The following PTPRU variants were observed in gnomAD, a reference collection of about 807,000 sequenced individuals.
PTPRU encodes receptor-type tyrosine-protein phosphatase U.
In PTPRU, 69 loss-of-function variants were observed where a neutral mutation model predicts 166.3. The ratio of observed to expected loss-of-function variants is 0.41; its 90% CI spans 0.34 to 0.51. The LOEUF (loss-of-function observed/expected upper bound fraction) is 0.51. Ranked by LOEUF, PTPRU falls within the 20% of genes least tolerant of loss-of-function variation. PTPRU has a pLI of 0.09. For missense variants in PTPRU, 1,657 were observed against 2,013.7 expected (o/e 0.82, Z 3.39); for synonymous variants, 793 against 814.0 (o/e 0.97, Z 0.44).
chr1:29,259,830 C>T (rs1684959762), intron 5 of PTPRU, 40 bp from the exon 6 acceptor site: 3 of 1,501,534 alleles, frequency 2.0e-6, no homozygotes, highest in Non-Finnish European at 2.7e-6. Context: ...GGACCCCTCG[C>T]TCCGAGGCGC....
intron 3 of PTPRU, 118 bp from the exon 4 acceptor site, chr1:29,259,143 G>C: frequency 8.7e-7 from 1 of 1,145,966 alleles, no homozygotes. Context: ...GTCAGTGTGA[G>C]CTGGGCTGAC....
At chr1:29,323,196 C>T (rs1688239987) in intron 26 of PTPRU, 175 bp from the exon 27 acceptor site, 2 of 824,300 alleles carry the variant, frequency 2.4e-6, no homozygotes, top group Non-Finnish European at 3.7e-6. Flanking sequence ...GCCTTGCAGC[C>T]TGTGGGCAAC....
chr1:29,310,679 A>G, intron 18 of PTPRU, 65 bp from the exon 19 acceptor site: 3 of 1,512,978 alleles, frequency 2.0e-6, no homozygotes, highest in Non-Finnish European at 2.8e-6. Flanking sequence ...GGGAGGGTAG[A>G]GGAGGTGTGG....
chr1:29,247,575 AT>A (rs1371770942), intron 1 of PTPRU, among the ~76,000 whole-genome samples: 1 of 152,180 alleles, frequency 6.6e-6, no homozygotes, highest in Non-Finnish European at 1.5e-5. Flanking sequence ...CTGTCTTCGT[AT>A]GTCGCAGGGT....
rs1414222845 is a variant in PTPRU, at chr1:29,255,263, C to G, written c.74-12C>G. ...TGCCTTAGCCTGGGCTAACCAGGCC[C>G]TGCTCTCACAGCTGGCTGCACCTTC... On this transcript the variant is annotated splice_polypyrimidine_tract_variant and intron_variant, in intron 1 of 29. Transcript: ENST00000373779. 1 of 1,612,592 alleles carries G rather than the reference C, an allele frequency of 6.2e-7. No individual in the cohort carries two copies. The highest frequency in any genetic ancestry group is 2.2e-5 in the East Asian group (1 of 44,798).
chr1:29,291,647 A>G lies in PTPRU; in HGVS notation c.2319-222A>G, dbSNP rs1179885477. The stretch of plus-strand genomic sequence containing the variant: ...CTGCTCCACCCCTTTCCCTTAGCAA[A>G]GGTCCCTAGGACGGGCTCTGCCAAG... On this transcript the variant is annotated intron_variant, in intron 14 of 29. Coordinates refer to ENST00000373779, the MANE Select transcript of PTPRU (RefSeq NM_133178.4). This position sits in a 1 kb window ranked among gnomAD's most constrained non-coding sequence, Gnocchi z 4.1. Among the ~76,000 whole-genome samples, 1 of 152,186 alleles carries G rather than the reference A, an allele frequency of 6.6e-6. No homozygotes were observed. Among genetic ancestry groups the G allele is most frequent in the African/African-American group, 2.4e-5 (1 of 41,450 alleles).
At chr1:29,303,537 G>A (rs1012119051) in intron 15 of PTPRU, among the ~76,000 whole-genome samples, 2 of 152,266 alleles carry the variant, frequency 1.3e-5, no homozygotes, top group Non-Finnish European at 1.5e-5. Flanking sequence ...GCGGAGTGCT[G>A]CCTTCTGCAG....
chr1:29,312,445 T>G, intron 21 of PTPRU, 107 bp from the exon 22 acceptor site: 41 of 1,082,176 alleles, frequency 3.8e-5, no homozygotes, highest in Middle Eastern at 2.1e-4. Flanking sequence ...TGGGATTAGT[T>G]GAGATTATAC....
intron 7 of PTPRU, among the ~76,000 whole-genome samples, chr1:29,270,348 C>T (rs1685505973): frequency 6.6e-6 from 1 of 152,034 alleles, no homozygotes. Context: ...ACTCTGTCAC[C>T]CAGGCTGGAG....
At chr1:29,270,579 C>T (rs1042750950) in intron 7 of PTPRU, among the ~76,000 whole-genome samples, 5 of 152,158 alleles carry the variant, frequency 3.3e-5, no homozygotes, top group African/African-American at 1.2e-4. Context: ...AGATTACAGG[C>T]ATGAGCTACT....
At position 29,260,155 on chromosome 1, in the gene PTPRU, G is replaced by T; in HGVS notation, c.850+111G>T. The T allele has an allele frequency of 8.5e-7, 1 of 1,177,110 alleles. No individual in the cohort carries two copies. Among genetic ancestry groups the T allele is most frequent in the Non-Finnish European group, 1.1e-6 (1 of 908,572 alleles). 72.9% of individuals were successfully genotyped at this position (1,177,110 alleles called of 1,614,324 possible). On this transcript the variant is annotated intron_variant, in intron 6 of 29. Transcript: ENST00000373779. The surrounding 1 kb of genome is among the most constrained non-coding windows in gnomAD (Gnocchi z 8.3). ...GGCCGTGGGGGGTGGGGCCGGCAGG[G>T]TGTCGCTGGGGCGCTATCTGAAGAT...
At chr1:29,283,364 C>G (rs1471618263) in intron 12 of PTPRU, among the ~76,000 whole-genome samples, 1 of 151,638 alleles carries the variant, frequency 6.6e-6, no homozygotes, top group Non-Finnish European at 1.5e-5. Flanking sequence ...GCCAGCCCTC[C>G]TGACCCCAGG....
chr1:29,265,161 G>C (rs1306509227), intron 7 of PTPRU, among the ~76,000 whole-genome samples: 1 of 152,158 alleles, frequency 6.6e-6, no homozygotes, highest in Non-Finnish European at 1.5e-5. Context: ...TGCATGTTTA[G>C]TTTTATCAGA....
At chr1:29,287,839 G>A (rs1686431630) in intron 14 of PTPRU, among the ~76,000 whole-genome samples, 1 of 151,344 alleles carries the variant, frequency 6.6e-6, no homozygotes, top group Admixed American at 6.6e-5. Context: ...TTGAGACAGA[G>A]TTTTGCTCTT....
chr1:29,311,790 A>G lies in PTPRU; in HGVS notation c.3072+31A>G, dbSNP rs751663932. The G allele has an allele frequency of 6.3e-7, 1 of 1,594,374 alleles. No homozygotes were observed. The highest frequency in any genetic ancestry group is 8.6e-7 in the Non-Finnish European group (1 of 1,165,108). On this transcript the variant is annotated intron_variant, in intron 21 of 29. Transcript: ENST00000373779. The surrounding 1 kb of genome is among the most constrained non-coding windows in gnomAD (Gnocchi z 4.1). The stretch of plus-strand genomic sequence containing the variant: ...TCTCCCCACCGCCTGTTCCCTGCAG[A>G]GGGTGCCTGAGCAGGGATTAGAGCC...
At chr1:29,283,832 A>C in intron 12 of PTPRU, 108 bp from the exon 13 acceptor site, 1 of 1,357,656 alleles carries the variant, frequency 7.4e-7, no homozygotes, top group East Asian at 2.3e-5. Flanking sequence ...TGCCATCAGC[A>C]CAAGACAAAG....
rs866985282 is a variant in PTPRU, at chr1:29,267,554, G to A, written c.1144+6651G>A. 2.0e-5 allele frequency among the ~76,000 whole-genome samples: 3 copies of A among 152,248 alleles called. No homozygotes were observed. In the South Asian group the frequency reaches 6.2e-4, roughly 32 times the overall value. On this transcript the variant is annotated intron_variant, in intron 7 of 29. Transcript: ENST00000373779. ...TGCTGGGGGAAGCAAGCACCAGCCC[G>A]ACTGAGCAGCCAGCACAAAGGCCTG...
chr1:29,258,055 C>T (rs1484329954), intron 2 of PTPRU, among the ~76,000 whole-genome samples: 4 of 152,106 alleles, frequency 2.6e-5, no homozygotes, highest in Admixed American at 1.3e-4. Flanking sequence ...ACCTCTGCCT[C>T]CCAGGTTCAA....
intron 28 of PTPRU, among the ~76,000 whole-genome samples, chr1:29,324,975 C>T (rs1688339261): frequency 6.6e-6 from 1 of 150,786 alleles, no homozygotes; most frequent in Non-Finnish European, 1.5e-5. Flanking sequence ...CTTCTGGGTT[C>T]CCTAGCTCCG....
Sources: gnomAD v4.1 joint callset for allele counts (sites outside exome capture counted in the v4.1 genomes callset) on GRCh38, gnomAD v4.1.1 for gene constraint, Gnocchi (gnomAD v3.1) non-coding constraint, MANE v1.5 for transcripts, NCBI Gene and HGNC (gene_info 2026-07-23, HGNC 2026-07-21) for gene names.